The following GNAQ variants were observed in gnomAD, a reference collection of about 807,000 sequenced individuals.
GNAQ encodes G protein subunit alpha q, also known as guanine nucleotide-binding protein G(q) subunit alpha.
In GNAQ, 8 loss-of-function variants were observed where a neutral mutation model predicts 43.9. The ratio of observed to expected loss-of-function variants is 0.18; its 90% CI spans 0.11 to 0.33. The LOEUF (loss-of-function observed/expected upper bound fraction) is 0.33. GNAQ is among the 10% of genes least tolerant of loss of function. GNAQ has a pLI of 1.00. For synonymous variants in GNAQ, 155 were observed against 170.7 expected (o/e 0.91, Z 0.71); for missense variants, 158 against 450.8 (o/e 0.35, Z 5.88).
At chr9:77,975,755 G>A (rs533630311) in intron 1 of GNAQ, among the ~76,000 whole-genome samples, 4 of 147,518 alleles carry the variant, frequency 2.7e-5, no homozygotes, top group Non-Finnish European at 6.1e-5. Context: ...GGCCAGGATG[G>A]TTGATCTCTT....
chr9:77,863,812 G>T (rs1827901110), intron 2 of GNAQ, among the ~76,000 whole-genome samples: 1 of 152,148 alleles, frequency 6.6e-6, no homozygotes, highest in South Asian at 2.1e-4. Context: ...AGCTTGTGCA[G>T]GGGAAACTCC....
At chr9:78,030,874 CGTGTGTGTGTCGCTGTGTGT>C (rs1235136989) in intron 1 of GNAQ, among the ~76,000 whole-genome samples, 16 of 146,428 alleles carry the variant, frequency 1.1e-4, no homozygotes, top group African/African-American at 3.9e-4. Flanking sequence ...CCCTGTGCTG[CGTGTGTGTGTCGCTGTGTGT>C]GTGTGTGTGT....
rs556344926 is a variant in GNAQ at position 77,827,089 on chromosome 9, C to G, written c.322-11319G>C. On this transcript the variant is annotated intron_variant, in intron 2 of 6. Transcript: ENST00000286548. ...TTTTATAGCCATAACTGTTTTGCAA[C>G]TGGAAGCATGTTGACTTAAAGTGAC... 1.1e-4 allele frequency among the ~76,000 whole-genome samples: 16 copies of G among 152,142 alleles called. No individual in the cohort carries two copies. The East Asian group carries it at 3.1e-3, about 29-fold the overall frequency.
chr9:77,951,092 C>CTTTTTTTT lies in GNAQ; in HGVS notation c.137-28755_137-28748dup, dbSNP rs35044662. 3.9e-4 allele frequency among the ~76,000 whole-genome samples: 35 copies of CTTTTTTTT among 89,292 alleles called. 2 individuals are homozygous for CTTTTTTTT. Among genetic ancestry groups the CTTTTTTTT allele is most frequent in the African/African-American group, 9.0e-4 (20 of 22,114 alleles). The allele number at this position is 89,292 out of a possible 152,430, so 58.6% of individuals were successfully genotyped here. A position where few individuals can be genotyped will look rare whatever the true frequency, so the allele number is the denominator to read the frequency against. On this transcript the variant is annotated intron_variant, in intron 1 of 6. Coordinates refer to ENST00000286548, the MANE Select transcript of GNAQ (RefSeq NM_002072.5). ...TGAATACTGAACGCAGTCAAGTGTTCTTTTTTTTTTTTTTTTTTTTTTTGA... is the reference window on the plus strand; with the variant it reads ...TGAATACTGAACGCAGTCAAGTGTTCTTTTTTTTTTTTTTTTTTTTTTTTTTTTTTTGA...
At chr9:77,946,223 G>C (rs1328910323) in intron 1 of GNAQ, among the ~76,000 whole-genome samples, 1 of 152,104 alleles carries the variant, frequency 6.6e-6, no homozygotes, top group Non-Finnish European at 1.5e-5. Context: ...TGTGAAGTCT[G>C]ATGTGTCCAG....
chr9:77,988,453 T>G (rs7847974), intron 1 of GNAQ, among the ~76,000 whole-genome samples: 32,563 of 152,186 alleles, frequency 0.21, 3,711 homozygotes, highest in South Asian at 0.4. Context: ...TCTGGTATCT[T>G]CCATCAATGG....
intron 2 of GNAQ, among the ~76,000 whole-genome samples, chr9:77,838,200 A>G (rs1010528958): frequency 3.5e-5 from 5 of 143,562 alleles, no homozygotes; most frequent in Admixed American, 7.2e-5. Flanking sequence ...CTGGAGTGCA[A>G]TGGCGCAATC....
intron 2 of GNAQ, among the ~76,000 whole-genome samples, chr9:77,855,148 T>C (rs185392562): frequency 6.6e-6 from 1 of 152,016 alleles, no homozygotes; most frequent in South Asian, 2.1e-4. Flanking sequence ...TCAGATGACA[T>C]CATAGTGAAT....
rs542577803 is a variant in GNAQ, at chr9:78,030,917, GTGTC to G, written c.136+179_136+182del. On this transcript the variant is annotated intron_variant, in intron 1 of 6. Transcript: ENST00000286548. ...TGTGTGTGTGTGTGTGTGTGTGTGTGTGTCTGTGTGTAACGCGCCCGCGCGCCCG... is the reference window on the plus strand; with the variant it reads ...TGTGTGTGTGTGTGTGTGTGTGTGTGTGTGTGTAACGCGCCCGCGCGCCCG... 4.0e-3 allele frequency among the ~76,000 whole-genome samples: 607 copies of G among 150,648 alleles called. 5 individuals are homozygous for G. Among genetic ancestry groups the G allele is most frequent in the Non-Finnish European group, 3.4e-3 (230 of 67,344 alleles).
chr9:77,824,551 T>TTA (rs1827165340), intron 2 of GNAQ, among the ~76,000 whole-genome samples: 1 of 152,218 alleles, frequency 6.6e-6, no homozygotes, highest in South Asian at 2.1e-4. Flanking sequence ...AGAATATTTC[T>TTA]GGTCCACTAG....
In GNAQ at chr9:77,871,902, C is replaced by T. The variant is rs571358821; in HGVS notation, c.321+50259G>A. 4.3e-3 allele frequency among the ~76,000 whole-genome samples: 656 copies of T among 152,274 alleles called. 2 individuals are homozygous for T. Among genetic ancestry groups the T allele is most frequent in the Non-Finnish European group, 6.9e-3 (471 of 68,012 alleles). On this transcript the variant is annotated intron_variant, in intron 2 of 6. Transcript: ENST00000286548. ...AGAGGTATGGTTTCATAAATGACCA[C>T]ATGAAAGGGCATAAGGGTAGAGACT...
At chr9:77,913,952 C>T (rs1216982276) in intron 2 of GNAQ, among the ~76,000 whole-genome samples, 1 of 152,184 alleles carries the variant, frequency 6.6e-6, no homozygotes, top group African/African-American at 2.4e-5. Flanking sequence ...CTGCTGAAGT[C>T]TTCCTTTGTT....
intron 5 of GNAQ, among the ~76,000 whole-genome samples, chr9:77,754,815 G>C (rs1825872717): frequency 6.6e-6 from 1 of 152,184 alleles, no homozygotes. Flanking sequence ...GATATAACCA[G>C]TATGGAGGTT....
intron 1 of GNAQ, among the ~76,000 whole-genome samples, chr9:77,951,345 G>A (rs1240201054): frequency 6.6e-6 from 1 of 151,932 alleles, no homozygotes; most frequent in East Asian, 1.9e-4. Flanking sequence ...TGATCTGCCC[G>A]CCTTGGCCTC....
intron 5 of GNAQ, among the ~76,000 whole-genome samples, chr9:77,766,587 T>C (rs1826140750): frequency 1.3e-5 from 2 of 152,086 alleles, no homozygotes; most frequent in African/African-American, 4.8e-5. Flanking sequence ...TAAGTGAAGA[T>C]GTTTGCTGTG....
At chr9:77,871,442 G>C (rs1828037240) in intron 2 of GNAQ, among the ~76,000 whole-genome samples, 1 of 152,120 alleles carries the variant, frequency 6.6e-6, no homozygotes, top group African/African-American at 2.4e-5. Flanking sequence ...CACCCAGACT[G>C]GTTTAAATTA....
In GNAQ at chr9:77,853,308, T is replaced by C. The variant is rs76066924; in HGVS notation, c.322-37538A>G. Among the ~76,000 whole-genome samples the C allele has an allele frequency of 4.2e-3, 645 of 152,240 alleles. 4 individuals carry two copies. The highest frequency in any genetic ancestry group is 0.015 in the African/African-American group (618 of 41,534). On this transcript the variant is annotated intron_variant, in intron 2 of 6. Transcript: ENST00000286548. ...TTAGTTCCTCATCTGAAAATAAGGATATAAGAGTAGTTATCTCAAAGGGAT... is the reference window on the plus strand; with the variant it reads ...TTAGTTCCTCATCTGAAAATAAGGACATAAGAGTAGTTATCTCAAAGGGAT...
chr9:77,931,589 T>C (rs4493965), intron 1 of GNAQ, among the ~76,000 whole-genome samples: 111,826 of 151,252 alleles, frequency 0.74, 41,537 homozygotes, highest in South Asian at 0.76. Flanking sequence ...AGTGAGACTC[T>C]GTCTCAAAAA....
At chr9:77,779,222 T>C (rs1826350373) in intron 5 of GNAQ, among the ~76,000 whole-genome samples, 1 of 151,932 alleles carries the variant, frequency 6.6e-6, no homozygotes, top group African/African-American at 2.4e-5. Flanking sequence ...AACGTCTGTT[T>C]TCATACCACA....
Sources: gnomAD v4.1 joint callset for allele counts (sites outside exome capture counted in the v4.1 genomes callset) on GRCh38, gnomAD v4.1.1 for gene constraint, MANE v1.5 for transcripts, NCBI Gene and HGNC (gene_info 2026-07-23, HGNC 2026-07-21) for gene names.